Variants in PDE10A observed in about 807,000 individuals in gnomAD.
PDE10A encodes phosphodiesterase 10A.
A neutral mutation model predicts 97.7 loss-of-function variants in PDE10A; 39 were observed. The observed-to-expected ratio is 0.40, with a 90% confidence interval of 0.31 to 0.52. The LOEUF is 0.52. Among genes scored for constraint, PDE10A ranks in the 20% least tolerant of loss-of-function variants. PDE10A has a pLI of 0.56. For synonymous variants in PDE10A, 371 were observed against 376.8 expected, an observed-to-expected ratio of 0.98 and a Z score of 0.18; for missense variants, 731 against 1,047.8, an observed-to-expected ratio of 0.70 and a Z score of 4.17.
At chr6:165,833,103 T>C (rs978528460) in intron 1 of PDE10A, among the ~76,000 whole-genome samples, 2 of 152,240 alleles carry the variant, frequency 1.3e-5, no homozygotes, top group Non-Finnish European at 2.9e-5. Context: ...TTCTCCTATT[T>C]GGTTATAGGA....
rs772151750 is a variant in PDE10A, at chr6:165,727,496, G to A, written c.-614-183928C>T. ...TTCCTCTCTCCAAACAGTGTTCTGA[G>A]GCCAGGAGGGAATCACTAAAAGAAA... On this transcript the variant is annotated intron_variant, in intron 1 of 19. Transcript: ENST00000366882. Among the ~76,000 whole-genome samples the A allele has an allele frequency of 6.0e-4, 91 of 152,158 alleles. 1 individual carries two copies. Among genetic ancestry groups the A allele is most frequent in the Non-Finnish European group, 1.1e-3 (74 of 68,040 alleles).
At chr6:165,383,526 C>G (rs1428204421) in intron 17 of PDE10A, among the ~76,000 whole-genome samples, 1 of 152,124 alleles carries the variant, frequency 6.6e-6, no homozygotes, top group Non-Finnish European at 1.5e-5. Context: ...GACACAGCTA[C>G]TCACTTTCCT....
chr6:165,826,332 G>A (rs999017180), intron 1 of PDE10A, among the ~76,000 whole-genome samples: 1 of 150,240 alleles, frequency 6.7e-6, no homozygotes, highest in Non-Finnish European at 1.5e-5. Context: ...GCATCCTTCT[G>A]TCCCCATGTC....
At chr6:165,392,094 A>G (rs1785762322) in intron 16 of PDE10A, among the ~76,000 whole-genome samples, 1 of 152,224 alleles carries the variant, frequency 6.6e-6, no homozygotes, top group Admixed American at 6.5e-5. Context: ...CTTTCAAGTA[A>G]GGGACTTTGA....
chr6:165,365,331 T>C (rs1375176471), intron 18 of PDE10A, among the ~76,000 whole-genome samples: 1 of 152,170 alleles, frequency 6.6e-6, no homozygotes, highest in Non-Finnish European at 1.5e-5. Flanking sequence ...AGAGATGGAA[T>C]AAAGTGGCAA....
rs1457699253 is a variant in PDE10A at position 165,396,381 on chromosome 6, A to C, written c.2155T>G (p.Ser719Ala). ...TGCATGAGACCTTGCCACTCTTCTG[A>C]AGTACAAATGCTATGGTAGGACAGC... Reference protein sequence around the residue: ...EKLSYHSICTSEEWQGLMQFT... With the variant: ...EKLSYHSICTAEEWQGLMQFT... Residue 719 changes from serine to alanine, a missense_variant, in exon 14 of 22, where the codon TCA becomes GCA. Physicochemically the swap from Ser to Ala is moderately conservative, Grantham distance 99. Coordinates refer to ENST00000539869, the MANE Select transcript of PDE10A (RefSeq NM_001385079.1). 1 of 1,613,514 alleles carries C rather than the reference A, an allele frequency of 6.2e-7. No individual in the cohort carries two copies. Among genetic ancestry groups the C allele is most frequent in the Non-Finnish European group, 8.5e-7 (1 of 1,179,708 alleles).
chr6:165,577,652 G>A (rs1213340809), intron 1 of PDE10A, among the ~76,000 whole-genome samples: 1 of 152,100 alleles, frequency 6.6e-6, no homozygotes, highest in Admixed American at 6.5e-5. Context: ...CCACACGTGG[G>A]CCGCCTGCTA....
intron 1 of PDE10A, among the ~76,000 whole-genome samples, chr6:165,846,651 A>G (rs1363318216): frequency 6.6e-6 from 1 of 152,256 alleles, no homozygotes; most frequent in Non-Finnish European, 1.5e-5. Context: ...GAGGAATCCG[A>G]AAAAGGAGAG....
intron 1 of PDE10A, among the ~76,000 whole-genome samples, chr6:165,923,120 G>T (rs1782802334): frequency 6.6e-6 from 1 of 152,210 alleles, no homozygotes; most frequent in Non-Finnish European, 1.5e-5. Context: ...GGTGAGATGG[G>T]AGCAGAGATG....
At chr6:165,641,459 G>C (rs554328858) in intron 1 of PDE10A, among the ~76,000 whole-genome samples, 1 of 152,304 alleles carries the variant, frequency 6.6e-6, no homozygotes, top group Admixed American at 6.5e-5. Context: ...GTTGATGTCT[G>C]AACTAACTGA....
chr6:165,836,883 T>C (rs910045899), intron 1 of PDE10A, among the ~76,000 whole-genome samples: 2 of 151,904 alleles, frequency 1.3e-5, no homozygotes, highest in African/African-American at 4.8e-5. Flanking sequence ...AAATGATGAG[T>C]TCATGTCGTT....
intron 1 of PDE10A, among the ~76,000 whole-genome samples, chr6:165,588,857 G>A (rs1786082160): frequency 6.6e-6 from 1 of 152,098 alleles, no homozygotes; most frequent in South Asian, 2.1e-4. Flanking sequence ...CAGTTTTTGT[G>A]AATGTTAAAT....
intron 18 of PDE10A, among the ~76,000 whole-genome samples, chr6:165,360,946 A>G (rs1783371528): frequency 1.3e-5 from 2 of 152,294 alleles, no homozygotes; most frequent in South Asian, 4.1e-4. Flanking sequence ...TCATTACTTA[A>G]GGGAAAAAGA....
intron 5 of PDE10A, among the ~76,000 whole-genome samples, chr6:165,438,173 C>CT (rs966240244): frequency 2.0e-5 from 3 of 152,008 alleles, no homozygotes; most frequent in African/African-American, 7.3e-5. Context: ...CTCAAAGACG[C>CT]TTTTTTTAAT....
intron 2 of PDE10A, among the ~76,000 whole-genome samples, chr6:165,487,359 C>A (rs545337371): frequency 5.6e-4 from 85 of 152,280 alleles, no homozygotes; most frequent in African/African-American, 1.9e-3. Context: ...TCTCCCGTCA[C>A]CCCAGACGGG....
chr6:165,452,984 A>G (rs1378872418), intron 3 of PDE10A, among the ~76,000 whole-genome samples: 1 of 152,184 alleles, frequency 6.6e-6, no homozygotes, highest in Non-Finnish European at 1.5e-5. Flanking sequence ...TGATAGAAAC[A>G]TGGACAATAA....
At chr6:165,895,005 T>C (rs1257851379) in intron 1 of PDE10A, among the ~76,000 whole-genome samples, 6 of 152,154 alleles carry the variant, frequency 3.9e-5, no homozygotes. Context: ...TTCTGATAAA[T>C]AGCCAGGACT....
intron 1 of PDE10A, among the ~76,000 whole-genome samples, chr6:165,749,747 T>C (rs1792954200): frequency 6.6e-6 from 1 of 152,248 alleles, no homozygotes; most frequent in East Asian, 1.9e-4. Context: ...TCTAAATTCC[T>C]GCTTTTTAAT....
chr6:165,735,270 G>A (rs916999691), intron 1 of PDE10A, among the ~76,000 whole-genome samples: 3 of 151,486 alleles, frequency 2.0e-5, no homozygotes, highest in Non-Finnish European at 2.9e-5. Context: ...TAGGTAGATA[G>A]TAGGTCAGTT....
Sources: allele counts gnomAD v4.1 joint callset (sites outside exome capture counted in the v4.1 genomes callset), GRCh38; gene constraint gnomAD v4.1.1; transcripts MANE v1.5; gene names NCBI Gene and HGNC (gene_info 2026-07-23, HGNC 2026-07-21).